The following SRGAP2C variants were observed in gnomAD, a reference collection of about 807,000 sequenced individuals.
SRGAP2C encodes the protein SLIT-ROBO Rho GTPase activating protein 2C.
A neutral mutation model predicts 25.1 loss-of-function variants in SRGAP2C; 15 were observed. That is an observed-to-expected ratio of 0.60 (90% CI 0.40 to 0.92). SRGAP2C has a LOEUF of 0.92. Ranked by LOEUF, SRGAP2C falls within the 40% of genes least tolerant of loss-of-function variation. SRGAP2C has a pLI of 0.00. For synonymous variants in SRGAP2C, 44 were observed against 96.6 expected (o/e 0.46, Z 3.19); for missense variants, 144 against 264.4 (o/e 0.54, Z 3.16).
intron 3 of SRGAP2C, among the ~76,000 whole-genome samples, chr1:121,300,408 G>A (rs1334316877): frequency 1.4e-5 from 2 of 142,338 alleles, no homozygotes; most frequent in African/African-American, 2.6e-5. Context: ...GATCTCTTGT[G>A]AACTAAGTGA....
At chr1:121,331,144 C>CAAAAAAAAAAAAAAAAAAAAAAAAAAAA (rs1166653311) in intron 4 of SRGAP2C, among the ~76,000 whole-genome samples, 2 of 25,040 alleles carry the variant, frequency 8.0e-5, no homozygotes, top group South Asian at 2.8e-3. Flanking sequence ...ATGCCTCCCT[C>CAAAAAAAAAAAAAAAAAAAAAAAAAAAA]AAAAAAAAAA....
At chr1:121,339,016 T>A (rs1472004428) in intron 4 of SRGAP2C, among the ~76,000 whole-genome samples, 1 of 151,920 alleles carries the variant, frequency 6.6e-6, no homozygotes, top group Admixed American at 6.5e-5. Flanking sequence ...CTTGGAATCA[T>A]GATTCACATT....
At chr1:121,266,548 A>G (rs1266983821) in intron 2 of SRGAP2C, among the ~76,000 whole-genome samples, 1 of 149,322 alleles carries the variant, frequency 6.7e-6, no homozygotes, top group Non-Finnish European at 1.5e-5. Context: ...AAGGAAACGA[A>G]GGAGTTGCCA....
chr1:121,357,625 A>G (rs1553347868), intron 4 of SRGAP2C, among the ~76,000 whole-genome samples: 1 of 130,894 alleles, frequency 7.6e-6, no homozygotes, highest in East Asian at 2.4e-4. Context: ...ATTATGCAAC[A>G]GCAGGCATAA....
chr1:121,292,079 C>T (rs1433865612), intron 3 of SRGAP2C, among the ~76,000 whole-genome samples: 3 of 150,352 alleles, frequency 2.0e-5, no homozygotes, highest in African/African-American at 7.4e-5. Flanking sequence ...AATTATCCCT[C>T]ACCTGATATA....
At chr1:121,370,526 C>G (rs1659454060) in intron 5 of SRGAP2C, among the ~76,000 whole-genome samples, 2 of 141,290 alleles carry the variant, frequency 1.4e-5, no homozygotes, top group South Asian at 4.7e-4. Context: ...ACTGCAAGCT[C>G]CACCTCCCAG....
rs2101643044 is a variant in SRGAP2C at position 121,359,211 on chromosome 1, T to C, written c.424-6082T>C. Among the ~76,000 whole-genome samples the C allele has an allele frequency of 6.2e-5, 3 of 48,688 alleles. No individual in the cohort carries two copies. The South Asian group carries it at 2.3e-3, about 37-fold the overall frequency. The allele number at this position is 48,688 out of a possible 152,430, so 31.9% of individuals were successfully genotyped here. A position where few individuals can be genotyped will look rare whatever the true frequency, so the allele number is the denominator to read the frequency against. ...CTCCTGTCTAAATAAGTTAGTGGGC[T>C]CCAGTCCTTAAACCACTATTTTCTT... On this transcript the variant is annotated intron_variant, in intron 4 of 9. Transcript: ENST00000367123.
At chr1:121,244,382 G>T in intron 2 of SRGAP2C, among the ~76,000 whole-genome samples, 4 of 109,582 alleles carry the variant, frequency 3.7e-5, no homozygotes, top group African/African-American at 7.9e-5. Flanking sequence ...TTTGTCTTCT[G>T]AAAACATGAC....
At chr1:121,270,954 A>G (rs1459375383) in intron 2 of SRGAP2C, among the ~76,000 whole-genome samples, 1 of 150,666 alleles carries the variant, frequency 6.6e-6, no homozygotes, top group Admixed American at 6.6e-5. Flanking sequence ...CACCACGCCC[A>G]GCTACTTTTT....
Position 121,328,483 on chromosome 1 carries a change from C to T in SRGAP2C, c.423+3843C>T, listed in dbSNP as rs1341326130. Among the ~76,000 whole-genome samples the T allele has an allele frequency of 2.6e-5, 4 of 152,086 alleles. No individual in the cohort carries two copies. The East Asian group carries it at 7.7e-4, about 29-fold the overall frequency. On this transcript the variant is annotated intron_variant, in intron 4 of 9. Transcript: ENST00000367123. Reference sequence around the variant, plus strand: ...TCTATGTGCCAGGTATCATGTTAAGCACTTTATATGTATTATCTCCTTTAA... The same window carrying T: ...TCTATGTGCCAGGTATCATGTTAAGTACTTTATATGTATTATCTCCTTTAA...
At chr1:121,368,504 G>A (rs1334849335) in intron 5 of SRGAP2C, among the ~76,000 whole-genome samples, 1 of 150,700 alleles carries the variant, frequency 6.6e-6, no homozygotes, top group Non-Finnish European at 1.5e-5. Context: ...TGGGATTACG[G>A]TGACTAACTG....
At chr1:121,283,832 C>T (rs1313082290) in intron 2 of SRGAP2C, among the ~76,000 whole-genome samples, 8 of 151,680 alleles carry the variant, frequency 5.3e-5, no homozygotes, top group Non-Finnish European at 1.0e-4. Context: ...CCTGTGAGTG[C>T]CAGGTCTCTT....
intron 2 of SRGAP2C, among the ~76,000 whole-genome samples, chr1:121,208,324 C>T (rs587665747): frequency 6.6e-6 from 1 of 151,762 alleles, no homozygotes; most frequent in East Asian, 1.9e-4. Flanking sequence ...CCCTTTTGCA[C>T]CGCCCCAAGT....
At chr1:121,380,865 A>G (rs1659797243) in intron 7 of SRGAP2C, among the ~76,000 whole-genome samples, 2 of 149,226 alleles carry the variant, frequency 1.3e-5, no homozygotes, top group African/African-American at 2.5e-5. Flanking sequence ...TGGAGAGGAA[A>G]GGGAAATTAC....
chr1:121,368,086 A>G (rs1240887455), intron 5 of SRGAP2C, among the ~76,000 whole-genome samples: 1 of 102,268 alleles, frequency 9.8e-6, no homozygotes, highest in Non-Finnish European at 2.0e-5. Flanking sequence ...AAAAAAAAAA[A>G]AAAGAAAAAG....
intron 2 of SRGAP2C, among the ~76,000 whole-genome samples, chr1:121,260,546 A>G (rs1233100483): frequency 6.6e-6 from 1 of 151,066 alleles, no homozygotes; most frequent in African/African-American, 2.4e-5. Context: ...ATCTATATCT[A>G]CATCAATTAT....
intron 3 of SRGAP2C, among the ~76,000 whole-genome samples, chr1:121,286,249 A>G (rs1464545344): frequency 8.7e-6 from 1 of 115,420 alleles, no homozygotes; most frequent in Non-Finnish European, 1.8e-5. Flanking sequence ...TTTTATTATG[A>G]TTATTATTAT....
At position 121,284,874 on chromosome 1, in the gene SRGAP2C, C is replaced by G. The variant is rs1265991620; in HGVS notation, c.139C>G (p.Gln47Glu). The part of the protein sequence containing the change: ...QQCELRVQLL[Q>E]DLQDFFRKKA... ...GTGTGAGCTTCGGGTGCAACTGTTG[C>G]AGGACCTCCAGGACTTCTTCCGAAA... is the stretch of plus-strand genomic sequence containing the variant. Residue 47 changes from glutamine (Q) to glutamate (E), a missense_variant, in exon 3 of 10, where the codon CAG becomes GAG. Around this residue, in one of 5 missense-constraint regions of SRGAP2C, gnomAD observed 17 missense variants for 40.3 expected, o/e 0.42. Transcript: ENST00000367123. 70 of 1,187,036 alleles carry G rather than the reference C, an allele frequency of 5.9e-5. 1 individual carries two copies. In the Middle Eastern group the frequency reaches 5.9e-4, roughly 10 times the overall value. 73.5% of individuals were successfully genotyped at this position (1,187,036 alleles called of 1,614,324 possible).
chr1:121,343,076 A>G (rs1254158778), intron 4 of SRGAP2C, among the ~76,000 whole-genome samples: 31,706 of 151,214 alleles, frequency 0.21, 4,052 homozygotes, highest in Non-Finnish European at 0.29. Context: ...TGTTCATTAG[A>G]CTCATATCAA....
Sources: allele counts gnomAD v4.1 joint callset (sites outside exome capture counted in the v4.1 genomes callset), GRCh38; gene constraint gnomAD v4.1.1; regional missense constraint gnomAD v4.1.1; transcripts MANE v1.5; gene names NCBI Gene and HGNC (gene_info 2026-07-23, HGNC 2026-07-21).